The following LGALSL variants were observed in gnomAD, a reference collection of about 807,000 sequenced individuals.
LGALSL encodes galectin-related protein.
LGALSL carries 13 observed loss-of-function variants against 19.5 expected under a neutral mutation model. The observed-to-expected ratio is 0.67, with a 90% CI of 0.43 to 1.06. LGALSL has a LOEUF of 1.06. Among genes scored for constraint, LGALSL ranks in the 50% least tolerant of loss-of-function variants. The pLI is 0.00. For synonymous variants in LGALSL, 86 were observed against 78.3 expected, an observed-to-expected ratio of 1.10 and a Z score of -0.52; for missense variants, 189 against 219.3, an observed-to-expected ratio of 0.86 and a Z score of 0.87.
chr2:64,455,229 C>T (rs900884242), intron 1 of LGALSL, 115 bp from the exon 2 acceptor site: 1 of 764,148 alleles, frequency 1.3e-6, no homozygotes. Context: ...GCATCATCTG[C>T]AGACACTGTG....
At chr2:64,457,254 C>A (rs1423852319) in intron 4 of LGALSL, among the ~76,000 whole-genome samples, 1 of 150,072 alleles carries the variant, frequency 6.7e-6, no homozygotes, top group African/African-American at 2.5e-5. Context: ...AGCAAAAACC[C>A]TGCCTTTAAA....
At chr2:64,455,536 G>C in intron 2 of LGALSL, 53 bp from the exon 3 acceptor site, 1 of 1,547,878 alleles carries the variant, frequency 6.5e-7, no homozygotes, top group Middle Eastern at 1.7e-4. Context: ...CTGAGGTCTT[G>C]GCTTTTCCCT....
Position 64,460,916 on chromosome 2 carries a change from A to T in LGALSL, c.*2488A>T, listed in dbSNP as rs1194251151. On this transcript the variant is annotated 3_prime_UTR_variant, in exon 5 of 5. Coordinates refer to ENST00000238875, the MANE Select transcript of LGALSL (RefSeq NM_014181.3). ...ATAAATAACAATCAGGCTCTGGGGGAATAGAAAGCAGGCTTTAGACAATCT... is the reference window on the plus strand; with the variant it reads ...ATAAATAACAATCAGGCTCTGGGGGTATAGAAAGCAGGCTTTAGACAATCT... The T allele has an allele frequency of 6.6e-6, 1 of 152,200 alleles. No homozygotes were observed. The highest frequency in any genetic ancestry group is 2.1e-4 in the South Asian group (1 of 4,834). 9.4% of individuals were successfully genotyped at this position (152,200 alleles called of 1,614,324 possible).
chr2:64,455,286 C>T, intron 1 of LGALSL, 58 bp from the exon 2 acceptor site: 1 of 1,148,644 alleles, frequency 8.7e-7, no homozygotes, highest in Non-Finnish European at 1.3e-6. Context: ...GTGGGTTCTT[C>T]CTCCAGCCCC....
Position 64,458,510 on chromosome 2 carries a change from TG to T in LGALSL, c.*84del. 1.5e-6 allele frequency: 2 copies of T among 1,358,146 alleles called. No individual in the cohort carries two copies. The highest frequency in any genetic ancestry group is 2.4e-5 in the East Asian group (1 of 42,058). 84.1% of individuals were successfully genotyped at this position (1,358,146 alleles called of 1,614,324 possible). On this transcript the variant is annotated 3_prime_UTR_variant, in exon 5 of 5. Transcript: ENST00000238875. ...CTGGAAGAAGTGTCCTAGCAAGATC[TG>T]GAGACTTAAAAAGAAAACAAAAACA...
rs1686708588 is a variant in LGALSL at position 64,454,941 on chromosome 2, A to G, written c.36+360A>G. ...ACGTACCGGGGATTCCCCCTTGGAA[A>G]TGGGTCGGCGCCCGGGGCTCCCGAG... On this transcript the variant is annotated intron_variant, in intron 1 of 4. Coordinates refer to ENST00000238875, the MANE Select transcript of LGALSL (RefSeq NM_014181.3). The surrounding 1 kb of genome is among the most constrained non-coding windows in gnomAD (Gnocchi z 5.1). Among the ~76,000 whole-genome samples the G allele has an allele frequency of 6.6e-6, 1 of 151,866 alleles. No homozygotes were observed. The highest frequency in any genetic ancestry group is 6.5e-5 in the Admixed American group (1 of 15,280).
chr2:64,455,770 G>A (rs1686725599), intron 3 of LGALSL, 93 bp downstream of exon 3: 3 of 908,672 alleles, frequency 3.3e-6, no homozygotes, highest in Non-Finnish European at 5.4e-6. Flanking sequence ...TCCTCTCCTT[G>A]TGGACAGTGT....
intron 1 of LGALSL, 92 bp from the exon 2 acceptor site, chr2:64,455,252 G>A: frequency 1.2e-6 from 1 of 832,798 alleles, no homozygotes; most frequent in South Asian, 1.3e-5. Context: ...CATGTGGAAG[G>A]CTGCTGGATT....
rs1686689823 is a variant in LGALSL, at chr2:64,454,344, T to G, written c.-202T>G. The G allele has an allele frequency of 5.1e-6, 2 of 391,842 alleles. No homozygotes were observed. The highest frequency in any genetic ancestry group is 9.0e-6 in the Non-Finnish European group (2 of 222,614). 24.3% of individuals were successfully genotyped at this position (391,842 alleles called of 1,614,324 possible). On this transcript the variant is annotated 5_prime_UTR_variant, in exon 1 of 5. Transcript: ENST00000238875. This position sits in a 1 kb window ranked among gnomAD's most constrained non-coding sequence, Gnocchi z 5.1. Reference sequence around the variant, plus strand: ...GCACCTTCGCCCTCCCAGCTCGCGCTGCCTCCCTCCCCTCCCCTCCTCCCA... The same window carrying G: ...GCACCTTCGCCCTCCCAGCTCGCGCGGCCTCCCTCCCCTCCCCTCCTCCCA...
Position 64,454,539 on chromosome 2 carries a change from CA to C in LGALSL, c.-5del. On this transcript the variant is annotated 5_prime_UTR_variant, in exon 1 of 5. Coordinates refer to ENST00000238875, the MANE Select transcript of LGALSL (RefSeq NM_014181.3). The surrounding 1 kb of genome is among the most constrained non-coding windows in gnomAD (Gnocchi z 5.1). ...GTCCCACGTACCCCGCCGCGCCGGG[CA>C]AGAAGATGGCGGGATCAGTGGCCGA... The C allele has an allele frequency of 1.4e-6, 2 of 1,438,884 alleles. No homozygotes were observed. The highest frequency in any genetic ancestry group is 1.4e-5 in the South Asian group (1 of 72,410). The allele number at this position is 1,438,884 out of a possible 1,614,324, so 89.1% of individuals were successfully genotyped here.
rs1297627312 is a variant in LGALSL, at chr2:64,454,402, GGCGCGC to G, written c.-133_-128del. ...CCTGCCAGGTCGGCGCCGGGCCCCG[GGCGCGC>G]GCGCGCGCGCCCCCTCGTGTGTGCG... is the stretch of plus-strand genomic sequence containing the variant. On this transcript the variant is annotated 5_prime_UTR_variant, in exon 1 of 5. Transcript: ENST00000238875. The surrounding 1 kb of genome is among the most constrained non-coding windows in gnomAD (Gnocchi z 5.1). 7.9e-6 allele frequency: 3 copies of G among 379,658 alleles called. No homozygotes were observed. The highest frequency in any genetic ancestry group is 1.4e-5 in the Non-Finnish European group (3 of 219,618). 23.5% of individuals were successfully genotyped at this position (379,658 alleles called of 1,614,324 possible).
At position 64,460,535 on chromosome 2, in the gene LGALSL, C is replaced by T. The variant is rs931890542; in HGVS notation, c.*2107C>T. On this transcript the variant is annotated 3_prime_UTR_variant, in exon 5 of 5. Coordinates refer to ENST00000238875, the MANE Select transcript of LGALSL (RefSeq NM_014181.3). ...GCGTGTACTGATTGGAATTGACACG[C>T]TTATTCTGTCTACCTATCAGCTAAC... is the stretch of plus-strand genomic sequence containing the variant. The T allele has an allele frequency of 2.0e-5, 3 of 152,200 alleles. No individual in the cohort carries two copies. The South Asian group carries it at 6.2e-4, about 32-fold the overall frequency. 9.4% of individuals were successfully genotyped at this position (152,200 alleles called of 1,614,324 possible).
chr2:64,457,314 C>T lies in LGALSL; in HGVS notation c.375+849C>T, dbSNP rs576471621. Among the ~76,000 whole-genome samples the T allele has an allele frequency of 2.1e-3, 325 of 151,828 alleles. 1 individual carries two copies. Among genetic ancestry groups the T allele is most frequent in the Non-Finnish European group, 3.8e-3 (260 of 67,954 alleles). ...TGTCACACACCTGTAGTCCTAGCTA[C>T]TTGGGAGGCTGAGACGGGAGGATTG... On this transcript the variant is annotated intron_variant, in intron 4 of 4. Coordinates refer to ENST00000238875, the MANE Select transcript of LGALSL (RefSeq NM_014181.3).
chr2:64,458,189 CT>C, intron 4 of LGALSL, 95 bp from the exon 5 acceptor site: 1 of 1,166,082 alleles, frequency 8.6e-7, no homozygotes, highest in Middle Eastern at 2.6e-4. Context: ...TTGTGAACCA[CT>C]GAAGATACTG....
Position 64,458,554 on chromosome 2 carries a change from A to G in LGALSL, c.*126A>G. 2 of 982,580 alleles carry G rather than the reference A, an allele frequency of 2.0e-6. No homozygotes were observed. Among genetic ancestry groups the G allele is most frequent in the Non-Finnish European group, 3.0e-6 (2 of 676,376 alleles). The allele number at this position is 982,580 out of a possible 1,614,324, so 60.9% of individuals were successfully genotyped here. A position where few individuals can be genotyped will look rare whatever the true frequency, so the allele number is the denominator to read the frequency against. The stretch of plus-strand genomic sequence containing the variant: ...CAAAAACAAATGGCAAGTTTCACTT[A>G]AGGGTGGTTTGCCCTTAAGAAGAAA... On this transcript the variant is annotated 3_prime_UTR_variant, in exon 5 of 5. Transcript: ENST00000238875.
At chr2:64,456,182 T>A (rs1686733012) in intron 3 of LGALSL, 106 bp from the exon 4 acceptor site, 1 of 1,016,476 alleles carries the variant, frequency 9.8e-7, no homozygotes, top group Non-Finnish European at 1.5e-6. Context: ...TAGTGGCCTC[T>A]TAAAAATGGA....
intron 4 of LGALSL, among the ~76,000 whole-genome samples, chr2:64,457,993 A>G (rs1269018165): frequency 6.6e-6 from 1 of 152,232 alleles, no homozygotes; most frequent in African/African-American, 2.4e-5. Context: ...GCCTCCTTAC[A>G]TGGTGAATGC....
chr2:64,455,477 T>G, intron 2 of LGALSL, 62 bp downstream of exon 2: 1 of 1,528,704 alleles, frequency 6.5e-7, no homozygotes, highest in Non-Finnish European at 9.1e-7. Context: ...CTTTTTAAAA[T>G]TTTATTCATT....
chr2:64,455,152 T>A (rs912172928), intron 1 of LGALSL, among the ~76,000 whole-genome samples, 192 bp from the exon 2 acceptor site: 1 of 152,180 alleles, frequency 6.6e-6, no homozygotes, highest in African/African-American at 2.4e-5. Context: ...TTCAGAGGCT[T>A]AACTACCGGG....
Sources: gnomAD v4.1 joint callset for allele counts (sites outside exome capture counted in the v4.1 genomes callset) on GRCh38, gnomAD v4.1.1 for gene constraint, Gnocchi (gnomAD v3.1) non-coding constraint, MANE v1.5 for transcripts, NCBI Gene and HGNC (gene_info 2026-07-23, HGNC 2026-07-21) for gene names.